TNFRSF21: variants seen among roughly 807,000 people sequenced by gnomAD.
TNFRSF21 encodes the protein TNF receptor superfamily member 21.
Under a neutral mutation model 45.6 loss-of-function variants are expected in TNFRSF21, and 19 were observed. The observed-to-expected ratio is 0.42, with a 90% CI of 0.29 to 0.61. The LOEUF is 0.61. TNFRSF21 is among the 20% of genes least tolerant of loss of function. TNFRSF21 has a pLI of 0.23. For missense variants in TNFRSF21, 737 were observed against 851.5 expected (o/e 0.87, Z 1.67); for synonymous variants, 314 against 335.5 (o/e 0.94, Z 0.70).
intron 3 of TNFRSF21, among the ~76,000 whole-genome samples, chr6:47,270,663 C>T (rs1355589196): frequency 6.6e-6 from 1 of 152,108 alleles, no homozygotes; most frequent in Non-Finnish European, 1.5e-5. Flanking sequence ...AGGAGAATGA[C>T]TTTGAGGAGT....
At position 47,285,884 on chromosome 6, in the gene TNFRSF21, T is replaced by C; in HGVS notation, c.748+60A>G. ...AAACATCTTTGGTATAAGCCCACTC[T>C]TGGTACCTCCACTGGGCTCAAAGCC... On this transcript the variant is annotated intron_variant, in intron 2 of 5. Coordinates refer to ENST00000296861, the MANE Select transcript of TNFRSF21 (RefSeq NM_014452.5). The C allele has an allele frequency of 3.2e-6, 5 of 1,556,572 alleles. No homozygotes were observed. In the South Asian group the frequency reaches 6.0e-5, roughly 19 times the overall value.
intron 1 of TNFRSF21, among the ~76,000 whole-genome samples, chr6:47,300,105 A>G (rs1762844961): frequency 6.6e-6 from 1 of 152,234 alleles, no homozygotes; most frequent in Admixed American, 6.5e-5. Context: ...GGCTCAACAC[A>G]GTGCCGACTG....
chr6:47,276,791 T>C (rs554725069), intron 3 of TNFRSF21, among the ~76,000 whole-genome samples: 4 of 152,338 alleles, frequency 2.6e-5, no homozygotes, highest in African/African-American at 9.6e-5. Context: ...ACAGCATAGA[T>C]TTATATCCAA....
intron 3 of TNFRSF21, among the ~76,000 whole-genome samples, chr6:47,255,134 A>T (rs962438782): frequency 3.9e-5 from 6 of 152,224 alleles, no homozygotes; most frequent in African/African-American, 1.4e-4. Context: ...CTCAGCAGTC[A>T]CTTGAAAACC....
At chr6:47,301,007 C>T (rs1040312442) in intron 1 of TNFRSF21, among the ~76,000 whole-genome samples, 4 of 152,142 alleles carry the variant, frequency 2.6e-5, no homozygotes, top group African/African-American at 9.7e-5. Flanking sequence ...TACATAAATA[C>T]TATAAACAAA....
chr6:47,243,685 T>C (rs1431676586), intron 4 of TNFRSF21, among the ~76,000 whole-genome samples: 2 of 152,168 alleles, frequency 1.3e-5, no homozygotes, highest in African/African-American at 4.8e-5. Context: ...CCCAAAGTGC[T>C]GAGATTATAG....
At chr6:47,245,230 C>G (rs1027039144) in intron 4 of TNFRSF21, among the ~76,000 whole-genome samples, 2 of 152,184 alleles carry the variant, frequency 1.3e-5, no homozygotes, top group South Asian at 2.1e-4. Context: ...AATATATTCT[C>G]AAGTCTGGCT....
At chr6:47,235,781 G>A (rs915709967) in intron 4 of TNFRSF21, among the ~76,000 whole-genome samples, 3 of 152,212 alleles carry the variant, frequency 2.0e-5, no homozygotes. Context: ...GAGAAAATGA[G>A]AGGTGTCAGT....
intron 4 of TNFRSF21, among the ~76,000 whole-genome samples, chr6:47,250,944 A>T (rs566960132): frequency 2.0e-5 from 3 of 152,242 alleles, no homozygotes; most frequent in Non-Finnish European, 4.4e-5. Flanking sequence ...TCATGCATAC[A>T]CTTTTTCTAA....
chr6:47,277,438 T>A (rs530393837), intron 3 of TNFRSF21, among the ~76,000 whole-genome samples: 3 of 152,320 alleles, frequency 2.0e-5, no homozygotes, highest in Admixed American at 6.5e-5. Context: ...CTCTGCATCA[T>A]CTCCAGCGTT....
chr6:47,235,114 C>T (rs753652636), intron 4 of TNFRSF21, among the ~76,000 whole-genome samples: 1 of 151,932 alleles, frequency 6.6e-6, no homozygotes, highest in Non-Finnish European at 1.5e-5. Flanking sequence ...GTACTAAAAA[C>T]GGGGAGGCAT....
chr6:47,290,861 G>C (rs1259626159), intron 1 of TNFRSF21, among the ~76,000 whole-genome samples: 2 of 152,216 alleles, frequency 1.3e-5, no homozygotes, highest in African/African-American at 2.4e-5. Context: ...GTGTGTGCAA[G>C]ACAGCATGCC....
intron 3 of TNFRSF21, among the ~76,000 whole-genome samples, chr6:47,269,372 C>A (rs1006668607): frequency 1.3e-5 from 2 of 152,172 alleles, no homozygotes; most frequent in Admixed American, 6.5e-5. Flanking sequence ...TGGAACAGTG[C>A]CTTGAACATG....
At chr6:47,265,573 C>T (rs906001365) in intron 3 of TNFRSF21, among the ~76,000 whole-genome samples, 2 of 152,112 alleles carry the variant, frequency 1.3e-5, no homozygotes, top group African/African-American at 4.8e-5. Flanking sequence ...CTTCAAACCT[C>T]AGTTTCCCCA....
At chr6:47,255,768 C>A (rs1030054543) in intron 3 of TNFRSF21, among the ~76,000 whole-genome samples, 10 of 151,942 alleles carry the variant, frequency 6.6e-5, no homozygotes, top group African/African-American at 2.4e-4. Flanking sequence ...TGGCCAATAT[C>A]ATGTCTTTGA....
chr6:47,239,039 C>G (rs1764706013), intron 4 of TNFRSF21, among the ~76,000 whole-genome samples: 1 of 152,126 alleles, frequency 6.6e-6, no homozygotes, highest in African/African-American at 2.4e-5. Flanking sequence ...GTAATCCCAA[C>G]ACTTTGGGAG....
At chr6:47,237,101 T>C (rs958847502) in intron 4 of TNFRSF21, among the ~76,000 whole-genome samples, 4 of 152,164 alleles carry the variant, frequency 2.6e-5, no homozygotes, top group African/African-American at 9.7e-5. Flanking sequence ...CAGGTGAATA[T>C]GAAAATGCCC....
At chr6:47,246,075 A>T (rs908211701) in intron 4 of TNFRSF21, among the ~76,000 whole-genome samples, 2 of 152,192 alleles carry the variant, frequency 1.3e-5, no homozygotes, top group Non-Finnish European at 2.9e-5. Flanking sequence ...ACAATTCAAC[A>T]TGAGGTTTGG....
In TNFRSF21 at chr6:47,280,459, T is replaced by C. The variant is rs116776137; in HGVS notation, c.1243+3479A>G. Among the ~76,000 whole-genome samples the C allele has an allele frequency of 9.2e-3, 1,396 of 152,352 alleles. 24 individuals carry two copies. The highest frequency in any genetic ancestry group is 0.032 in the African/African-American group (1,314 of 41,580). ...GGTTGCATGTTTGAGACTAGCAATT[T>C]GGAAAGAAAAGACTTTCCTTAGAAA... On this transcript the variant is annotated intron_variant, in intron 3 of 5. Transcript: ENST00000296861.
Sources: gnomAD v4.1 joint callset for allele counts (sites outside exome capture counted in the v4.1 genomes callset) on GRCh38, gnomAD v4.1.1 for gene constraint, MANE v1.5 for transcripts, NCBI Gene and HGNC (gene_info 2026-07-23, HGNC 2026-07-21) for gene names.